The following ZC3H12B variants were observed in gnomAD, a reference collection of about 807,000 sequenced individuals.
The protein encoded by ZC3H12B is zinc finger CCCH-type containing 12B.
A neutral mutation model predicts 43.9 loss-of-function variants in ZC3H12B; 7 were observed. The observed-to-expected ratio is 0.16, with a 90% CI of 0.09 to 0.30. The LOEUF (loss-of-function observed/expected upper bound fraction) is 0.30, where lower values mean the gene tolerates loss of function less well. Ranked by LOEUF, ZC3H12B falls within the 10% of genes least tolerant of loss-of-function variation. The pLI, the probability that ZC3H12B is intolerant of heterozygous loss-of-function variation, is 1.00. For synonymous variants in ZC3H12B, 222 were observed against 241.7 expected (o/e 0.92, Z 0.76); for missense variants, 475 against 670.2 (o/e 0.71, Z 3.22).
the ZC3H12B span, among the ~76,000 whole-genome samples, chrX:65,351,002 C>G: frequency 9.0e-6 from 1 of 111,729 alleles, no homozygotes; most frequent in African/African-American, 3.3e-5. Context: ...CAAAAAAGAG[C>G]ACGCATAAAC....
the ZC3H12B span, among the ~76,000 whole-genome samples, chrX:65,136,974 C>T: frequency 9.0e-6 from 1 of 111,699 alleles, no homozygotes; most frequent in Non-Finnish European, 1.9e-5. Context: ...TATAGCCTCA[C>T]AGCTGATATT....
chrX:65,277,030 G>A, the ZC3H12B span, among the ~76,000 whole-genome samples: 1 of 111,582 alleles, frequency 9.0e-6, no homozygotes, highest in South Asian at 3.7e-4. Context: ...ATGGAAAAAG[G>A]TACTACATGC....
the ZC3H12B span, among the ~76,000 whole-genome samples, chrX:65,181,600 C>A: frequency 9.0e-6 from 1 of 111,663 alleles, no homozygotes; most frequent in Non-Finnish European, 1.9e-5. Flanking sequence ...AGGATATGAA[C>A]AGACACTTCT....
At chrX:65,375,157 A>AT (rs1336854053) in intron 2 of ZC3H12B, among the ~76,000 whole-genome samples, 1 of 110,990 alleles carries the variant, frequency 9.0e-6, no homozygotes, top group African/African-American at 3.3e-5. Context: ...CTTGCGTTGA[A>AT]CTCAATTTTC....
At chrX:65,174,750 C>G in the ZC3H12B span, among the ~76,000 whole-genome samples, 1 of 111,618 alleles carries the variant, frequency 9.0e-6, no homozygotes, top group East Asian at 2.8e-4. Flanking sequence ...TCCAAGTTGA[C>G]TTCAGACTGC....
At chrX:65,284,340 G>T in the ZC3H12B span, among the ~76,000 whole-genome samples, 5 of 109,073 alleles carry the variant, frequency 4.6e-5, no homozygotes, top group Non-Finnish European at 9.5e-5. Flanking sequence ...TTAATCAGAA[G>T]AAATTTTTGG....
chrX:65,044,233 A>C, the ZC3H12B span, among the ~76,000 whole-genome samples: 1 of 111,800 alleles, frequency 8.9e-6, no homozygotes, highest in Non-Finnish European at 1.9e-5. Context: ...GGCGTAGGAC[A>C]TGTGAATATC....
chrX:65,240,615 G>A, the ZC3H12B span, among the ~76,000 whole-genome samples: 96 of 111,923 alleles, frequency 8.6e-4, no homozygotes, highest in African/African-American at 3.0e-3. Context: ...TTGCTTGAGA[G>A]CTGTTGTGGT....
the ZC3H12B span, among the ~76,000 whole-genome samples, chrX:65,162,045 T>G: frequency 9.0e-6 from 1 of 111,587 alleles, no homozygotes. Flanking sequence ...TGGCTGGATA[T>G]GAAATTCTGG....
At chrX:65,476,262 C>G (rs2067990058) in intron 3 of ZC3H12B, among the ~76,000 whole-genome samples, 1 of 111,516 alleles carries the variant, frequency 9.0e-6, no homozygotes, top group Non-Finnish European at 1.9e-5. Flanking sequence ...TTTATACTAT[C>G]TTGTAAGTCA....
At chrX:65,342,956 G>A in the ZC3H12B span, among the ~76,000 whole-genome samples, 2 of 110,372 alleles carry the variant, frequency 1.8e-5, no homozygotes, top group Admixed American at 9.6e-5. Context: ...CATTCCAAAT[G>A]AATACAATTA....
chrX:65,374,127 T>TAGTGTATATATAACTATATATAC (rs1219346778), intron 2 of ZC3H12B, among the ~76,000 whole-genome samples: 8 of 75,461 alleles, frequency 1.1e-4, no homozygotes, highest in South Asian at 6.4e-4. Flanking sequence ...TAACTATATA[T>TAGTGTATATATAACTATATATAC]AGTGTATATA....
At chrX:65,335,780 G>A in the ZC3H12B span, among the ~76,000 whole-genome samples, 2 of 111,445 alleles carry the variant, frequency 1.8e-5, no homozygotes, top group Admixed American at 9.5e-5. Flanking sequence ...TTAACTGCTC[G>A]AGATAGTTTT....
the ZC3H12B span, among the ~76,000 whole-genome samples, chrX:65,113,503 G>T: frequency 1.8e-5 from 2 of 109,347 alleles, no homozygotes; most frequent in Non-Finnish European, 3.8e-5. Flanking sequence ...GTTTGAGGTT[G>T]CAGTGAGCCA....
the ZC3H12B span, among the ~76,000 whole-genome samples, chrX:65,205,203 C>T: frequency 9.0e-6 from 1 of 111,625 alleles, no homozygotes; most frequent in African/African-American, 3.3e-5. Flanking sequence ...ACCGGATTAT[C>T]ATTAACATTC....
chrX:65,470,956 C>G (rs1489310221), intron 3 of ZC3H12B, among the ~76,000 whole-genome samples: 2 of 111,625 alleles, frequency 1.8e-5, no homozygotes, highest in Non-Finnish European at 3.8e-5. Flanking sequence ...ATCATATGGT[C>G]TATACTGAAG....
chrX:65,430,046 C>T (rs753049950), intron 3 of ZC3H12B, among the ~76,000 whole-genome samples: 1 of 112,550 alleles, frequency 8.9e-6, no homozygotes, highest in African/African-American at 3.2e-5. Flanking sequence ...AGGGGGCCTG[C>T]AGAATTATGC....
At chrX:65,053,712 A>C in the ZC3H12B span, among the ~76,000 whole-genome samples, 1 of 111,608 alleles carries the variant, frequency 9.0e-6, no homozygotes, top group Non-Finnish European at 1.9e-5. Flanking sequence ...GAACTAGTTT[A>C]CAGTCCCACC....
the ZC3H12B span, among the ~76,000 whole-genome samples, chrX:65,258,228 C>A: frequency 8.9e-6 from 1 of 112,029 alleles, no homozygotes; most frequent in South Asian, 3.7e-4. Flanking sequence ...CACAATCAAG[C>A]AGGCTTTTTG....
Sources: gnomAD v4.1 joint callset for allele counts (sites outside exome capture counted in the v4.1 genomes callset) on GRCh38, gnomAD v4.1.1 for gene constraint, MANE v1.5 for transcripts, NCBI Gene and HGNC (gene_info 2026-07-23, HGNC 2026-07-21) for gene names.